ASTN1: variants seen among roughly 807,000 people sequenced by gnomAD.
The protein encoded by ASTN1 is astrotactin 1, also known as astrotactin-1.
A neutral mutation model predicts 140.7 loss-of-function variants in ASTN1; 41 were observed. The ratio of observed to expected loss-of-function variants is 0.29; its 90% confidence interval spans 0.23 to 0.38. ASTN1 has a LOEUF of 0.38. ASTN1 is among the 10% of genes least tolerant of loss of function. The pLI is 1.00. For synonymous variants in ASTN1, 640 were observed against 652.2 expected (o/e 0.98, Z 0.29); for missense variants, 1,479 against 1,678.8 (o/e 0.88, Z 2.08).
intron 1 of ASTN1, among the ~76,000 whole-genome samples, chr1:177,155,849 T>C (rs562569549): frequency 6.6e-6 from 1 of 152,290 alleles, no homozygotes; most frequent in African/African-American, 2.4e-5. Flanking sequence ...GATAGATATA[T>C]ACATATGTTA....
intron 5 of ASTN1, among the ~76,000 whole-genome samples, chr1:177,028,354 C>T (rs1053123551): frequency 6.6e-6 from 1 of 152,268 alleles, no homozygotes; most frequent in African/African-American, 2.4e-5. Flanking sequence ...CTCACAGAAC[C>T]TGGCCATTCA....
intron 16 of ASTN1, among the ~76,000 whole-genome samples, chr1:176,905,947 G>A (rs11585886): frequency 0.21 from 31,634 of 152,190 alleles, 3,455 homozygotes; most frequent in Middle Eastern, 0.28. Context: ...CTGGACATGG[G>A]AGGAAACAAA....
At chr1:177,003,119 T>C (rs1480543440) in intron 8 of ASTN1, among the ~76,000 whole-genome samples, 2 of 151,800 alleles carry the variant, frequency 1.3e-5, no homozygotes, top group Non-Finnish European at 2.9e-5. Context: ...AAGGCGAGAA[T>C]CCTCTCTAAC....
intron 1 of ASTN1, among the ~76,000 whole-genome samples, chr1:177,073,291 A>C (rs1678733607): frequency 6.6e-6 from 1 of 152,048 alleles, no homozygotes; most frequent in Non-Finnish European, 1.5e-5. Flanking sequence ...TAAACTGTTT[A>C]GTATTTTTTT....
rs144195136 is a variant in ASTN1 at position 177,044,748 on chromosome 1, C to T, written c.472-11899G>A. On this transcript the variant is annotated intron_variant, in intron 2 of 22. Coordinates refer to ENST00000361833, the MANE Select transcript of ASTN1 (RefSeq NM_004319.3). ...GGCAACTGACAAGGCCGACATCATC[C>T]GCTGGGCCAGTTGCCTAATTCTGTA... 2.5e-4 allele frequency among the ~76,000 whole-genome samples: 38 copies of T among 152,332 alleles called. No homozygotes were observed. In the East Asian group the frequency reaches 3.3e-3, roughly 13 times the overall value.
At chr1:176,857,685 GT>G, downstream of ASTN1, 1 of 557,732 alleles carries the variant, frequency 1.8e-6, no homozygotes. Context: ...AGTTTCAATA[GT>G]TTATAAGAGT....
chr1:176,963,728 A>C (rs956249734), intron 9 of ASTN1, among the ~76,000 whole-genome samples: 1 of 152,190 alleles, frequency 6.6e-6, no homozygotes, highest in African/African-American at 2.4e-5. Context: ...TATCCATGTC[A>C]ATCAGCCAGA....
chr1:176,938,392 C>T (rs1671540214), intron 14 of ASTN1, among the ~76,000 whole-genome samples: 1 of 152,050 alleles, frequency 6.6e-6, no homozygotes, highest in Non-Finnish European at 1.5e-5. Flanking sequence ...AATAACAAGC[C>T]CACTAAATAA....
intron 2 of ASTN1, among the ~76,000 whole-genome samples, chr1:177,045,005 T>C (rs1280497189): frequency 6.6e-6 from 1 of 152,114 alleles, no homozygotes; most frequent in East Asian, 1.9e-4. Flanking sequence ...AATAGGTCTT[T>C]TTTTTTCTGC....
At chr1:177,093,094 C>T (rs1026604896) in intron 1 of ASTN1, among the ~76,000 whole-genome samples, 3 of 152,268 alleles carry the variant, frequency 2.0e-5, no homozygotes, top group Non-Finnish European at 4.4e-5. Context: ...CTGTGCATGA[C>T]CAGTACCTAG....
chr1:177,058,722 C>T (rs1677929487), intron 2 of ASTN1, among the ~76,000 whole-genome samples: 2 of 152,032 alleles, frequency 1.3e-5, no homozygotes, highest in African/African-American at 4.8e-5. Context: ...TTTTGGGGAA[C>T]AGATGGTGTT....
intron 14 of ASTN1, among the ~76,000 whole-genome samples, chr1:176,942,166 A>C (rs1458384099): frequency 1.3e-5 from 2 of 152,216 alleles, no homozygotes; most frequent in African/African-American, 2.4e-5. Flanking sequence ...CAACACACAT[A>C]GATCCCACTA....
chr1:177,126,732 C>G (rs1003917160), intron 1 of ASTN1, among the ~76,000 whole-genome samples: 1 of 152,230 alleles, frequency 6.6e-6, no homozygotes, highest in Non-Finnish European at 1.5e-5. Flanking sequence ...TCATGCATCA[C>G]TTCTCATTAT....
intron 1 of ASTN1, among the ~76,000 whole-genome samples, chr1:177,102,524 C>T (rs1680349858): frequency 6.6e-6 from 1 of 152,074 alleles, no homozygotes; most frequent in South Asian, 2.1e-4. Flanking sequence ...CAATTCTAGC[C>T]TAATATCTGG....
intron 21 of ASTN1, among the ~76,000 whole-genome samples, chr1:176,870,220 G>A (rs771185583): frequency 4.2e-4 from 64 of 152,164 alleles, no homozygotes; most frequent in Non-Finnish European, 8.5e-4. Flanking sequence ...GGAGAGCAAC[G>A]TTTTGTCTTG....
chr1:177,045,812 A>G (rs185651630), intron 2 of ASTN1, among the ~76,000 whole-genome samples: 3 of 152,322 alleles, frequency 2.0e-5, no homozygotes, highest in Non-Finnish European at 4.4e-5. Flanking sequence ...AGAGGTCTGC[A>G]GGAATAGAGT....
Position 177,011,590 on chromosome 1 carries a change from CAT to C in ASTN1, c.1523+3199_1523+3200del, listed in dbSNP as rs544107073. Among the ~76,000 whole-genome samples, 355 of 151,330 alleles carry C rather than the reference CAT, an allele frequency of 2.3e-3. 3 individuals carry two copies. The highest frequency in any genetic ancestry group is 6.8e-3 in the Middle Eastern group (2 of 292). On this transcript the variant is annotated intron_variant, in intron 8 of 22. Transcript: ENST00000361833. The stretch of plus-strand genomic sequence containing the variant: ...ACACACACACACACACAAACACACA[CAT>C]ACCATACAATCACACATATACCACA...
chr1:177,103,164 A>G lies in ASTN1; in HGVS notation c.284-41899T>C, dbSNP rs114695239. ...GTGCAGAAAGCACTGAGTGATGCAAATTGGTGTTGGTCTTATACAGACCTC... is the reference window on the plus strand; with the variant it reads ...GTGCAGAAAGCACTGAGTGATGCAAGTTGGTGTTGGTCTTATACAGACCTC... On this transcript the variant is annotated intron_variant, in intron 1 of 22. Transcript: ENST00000361833. Among the ~76,000 whole-genome samples the G allele has an allele frequency of 3.8e-3, 576 of 152,314 alleles. 1 individual carries two copies. The highest frequency in any genetic ancestry group is 6.3e-3 in the Admixed American group (97 of 15,296).
chr1:177,123,656 C>T (rs1681506199), intron 1 of ASTN1, among the ~76,000 whole-genome samples: 2 of 152,244 alleles, frequency 1.3e-5, no homozygotes, highest in East Asian at 3.9e-4. Context: ...CTGGGTGGCC[C>T]CTGGGCTACT....
Sources: gnomAD v4.1 joint callset for allele counts (sites outside exome capture counted in the v4.1 genomes callset) on GRCh38, gnomAD v4.1.1 for gene constraint, MANE v1.5 for transcripts, NCBI Gene and HGNC (gene_info 2026-07-23, HGNC 2026-07-21) for gene names.